Variants in ADAM22 observed in about 807,000 individuals in gnomAD.
ADAM22 encodes disintegrin and metalloproteinase domain-containing protein 22.
A neutral mutation model predicts 144.6 loss-of-function variants in ADAM22; 65 were observed. The observed-to-expected ratio is 0.45, with a 90% confidence interval of 0.37 to 0.55. The LOEUF is 0.55. Ranked by LOEUF, ADAM22 falls within the 20% of genes least tolerant of loss-of-function variation. The pLI is 0.00. For missense variants in ADAM22, 974 were observed against 1,184.9 expected (o/e 0.82, Z 2.61); for synonymous variants, 391 against 412.6 (o/e 0.95, Z 0.63).
rs748112385 is a variant in ADAM22, at chr7:88,179,116, T to A, written c.2482T>A (p.Leu828Ile). ...THYSISQNIS[L>I]FCSRSNGLSH... ...TTATTCCATTAGTCAGAACATTTCA[T>A]TATTTTGCAGCAGGTTTGATTACTT... The change falls in exon 27 of 32, where the codon TTA (leucine) becomes ATA (isoleucine). Residue 828 changes from leucine to isoleucine, a missense_variant. Around this residue, in one of 2 missense-constraint regions of ADAM22, gnomAD observed 734 missense variants for 950.6 expected, o/e 0.77. Transcript: ENST00000413139. 2 of 1,244,696 alleles carry A rather than the reference T, an allele frequency of 1.6e-6. No homozygotes were observed. The highest frequency in any genetic ancestry group is 2.3e-6 in the Non-Finnish European group (2 of 853,362). 77.1% of individuals were successfully genotyped at this position (1,244,696 alleles called of 1,614,324 possible).
chr7:88,101,971 C>A (rs1823051408), intron 4 of ADAM22, among the ~76,000 whole-genome samples: 1 of 152,190 alleles, frequency 6.6e-6, no homozygotes, highest in Admixed American at 6.5e-5. Context: ...GCAAACCACT[C>A]TTTGAGAACC....
chr7:88,069,162 T>C (rs1202585556), intron 3 of ADAM22, among the ~76,000 whole-genome samples: 1 of 151,456 alleles, frequency 6.6e-6, no homozygotes, highest in Non-Finnish European at 1.5e-5. Context: ...TCTTCCTCCC[T>C]CTCCCTACCT....
chr7:88,064,406 C>T (rs1810670020), intron 3 of ADAM22, among the ~76,000 whole-genome samples: 1 of 152,096 alleles, frequency 6.6e-6, no homozygotes, highest in Non-Finnish European at 1.5e-5. Context: ...CCTTTCTGTC[C>T]TTCAGTTTCC....
At chr7:88,031,694 T>C (rs1400343731) in intron 3 of ADAM22, among the ~76,000 whole-genome samples, 1 of 152,238 alleles carries the variant, frequency 6.6e-6, no homozygotes, top group Non-Finnish European at 1.5e-5. Context: ...AGAGCATGCC[T>C]GGAAGGTGTT....
intron 3 of ADAM22, among the ~76,000 whole-genome samples, chr7:88,053,643 A>C (rs1807303719): frequency 6.6e-6 from 1 of 151,656 alleles, no homozygotes; most frequent in Non-Finnish European, 1.5e-5. Flanking sequence ...AAAGAAAGAA[A>C]GAAAGAAACC....
chr7:88,101,339 G>T (rs1234548093), intron 4 of ADAM22, among the ~76,000 whole-genome samples: 1 of 152,084 alleles, frequency 6.6e-6, no homozygotes, highest in Non-Finnish European at 1.5e-5. Flanking sequence ...GCCCATGGAG[G>T]GGGAGAAGGC....
rs1006413446 is a variant in ADAM22, at chr7:88,027,660, T to C, written c.324-47966T>C. On this transcript the variant is annotated intron_variant, in intron 3 of 31. Coordinates refer to ENST00000413139, the MANE Select transcript of ADAM22 (RefSeq NM_001324418.2). Reference sequence around the variant, plus strand: ...TTTCAGAAAAAAACACCTTTTGTTCTGATGACTATTTGTATTGTTTCAATT... The same window carrying C: ...TTTCAGAAAAAAACACCTTTTGTTCCGATGACTATTTGTATTGTTTCAATT... Among the ~76,000 whole-genome samples, 112 of 152,352 alleles carry C rather than the reference T, an allele frequency of 7.4e-4. 1 individual carries two copies. The highest frequency in any genetic ancestry group is 2.6e-3 in the African/African-American group (109 of 41,592).
intron 21 of ADAM22, among the ~76,000 whole-genome samples, chr7:88,153,671 C>A (rs1563340917): frequency 6.6e-6 from 1 of 152,156 alleles, no homozygotes; most frequent in Non-Finnish European, 1.5e-5. Flanking sequence ...TCCCAAACCA[C>A]CCCCTTTTTG....
At chr7:87,941,106 A>G (rs546433799) in intron 2 of ADAM22, among the ~76,000 whole-genome samples, 3 of 152,286 alleles carry the variant, frequency 2.0e-5, no homozygotes, top group Non-Finnish European at 4.4e-5. Flanking sequence ...ATATATTTCT[A>G]CAAGGAGCAA....
At chr7:88,118,669 A>G (rs957007759) in intron 7 of ADAM22, among the ~76,000 whole-genome samples, 1 of 145,868 alleles carries the variant, frequency 6.9e-6, no homozygotes, top group Non-Finnish European at 1.5e-5. Context: ...ATATATATAT[A>G]TCTTTTTTTT....
intron 4 of ADAM22, among the ~76,000 whole-genome samples, chr7:88,081,792 A>T (rs1816744785): frequency 7.0e-6 from 1 of 143,048 alleles, no homozygotes; most frequent in Admixed American, 7.3e-5. Context: ...GATGTGAAGG[A>T]CCTCTTCAAG....
At chr7:88,057,127 CT>C (rs75042550) in intron 3 of ADAM22, among the ~76,000 whole-genome samples, 74,757 of 148,052 alleles carry the variant, frequency 0.5, 19,220 homozygotes, top group East Asian at 0.62. Flanking sequence ...ATTATTGAAT[CT>C]TTTTTTTTTT....
intron 3 of ADAM22, among the ~76,000 whole-genome samples, chr7:88,025,497 T>G (rs1262318653): frequency 6.6e-6 from 1 of 152,212 alleles, no homozygotes; most frequent in Non-Finnish European, 1.5e-5. Flanking sequence ...GTTTCAGAGT[T>G]TAAGGTCTTA....
chr7:88,165,609 C>G (rs572876960), intron 23 of ADAM22, among the ~76,000 whole-genome samples: 2 of 151,906 alleles, frequency 1.3e-5, no homozygotes, highest in African/African-American at 4.8e-5. Flanking sequence ...ATCAATTTCT[C>G]TGTTAAAATT....
intron 3 of ADAM22, among the ~76,000 whole-genome samples, chr7:88,032,471 G>A (rs111510243): frequency 9.8e-5 from 15 of 152,348 alleles, no homozygotes; most frequent in African/African-American, 3.6e-4. Context: ...TGTTTTGGAA[G>A]TGACTATCTT....
chr7:87,970,358 G>A (rs955890803), intron 2 of ADAM22, among the ~76,000 whole-genome samples: 1 of 152,060 alleles, frequency 6.6e-6, no homozygotes, highest in African/African-American at 2.4e-5. Context: ...TTAGGACGCA[G>A]TACCTAAAGT....
intron 26 of ADAM22, among the ~76,000 whole-genome samples, chr7:88,174,732 A>T (rs1845207464): frequency 6.6e-6 from 1 of 152,156 alleles, no homozygotes; most frequent in South Asian, 2.1e-4. Flanking sequence ...GATGAGAAAT[A>T]TAAAAAATAA....
intron 7 of ADAM22, among the ~76,000 whole-genome samples, chr7:88,118,016 G>A (rs189154684): frequency 3.3e-5 from 5 of 152,142 alleles, no homozygotes; most frequent in East Asian, 3.9e-4. Context: ...TTTTAATCTC[G>A]TTTTAATCTT....
intron 2 of ADAM22, among the ~76,000 whole-genome samples, chr7:87,962,843 A>G (rs758841472): frequency 8.5e-5 from 13 of 152,156 alleles, no homozygotes; most frequent in Non-Finnish European, 1.8e-4. Flanking sequence ...TGAGGCACAG[A>G]GAGCTTAAAT....
Sources: allele counts gnomAD v4.1 joint callset (sites outside exome capture counted in the v4.1 genomes callset), GRCh38; gene constraint gnomAD v4.1.1; regional missense constraint gnomAD v4.1.1; transcripts MANE v1.5; gene names NCBI Gene and HGNC (gene_info 2026-07-23, HGNC 2026-07-21).